SPATA17: variants seen among roughly 807,000 people sequenced by gnomAD.
SPATA17 encodes spermatogenesis associated 17.
In SPATA17, 53 loss-of-function variants were observed where a neutral mutation model predicts 62.2. The observed-to-expected ratio is 0.85, with a 90% CI of 0.68 to 1.07. The LOEUF (loss-of-function observed/expected upper bound fraction) is 1.07. Ranked by LOEUF, SPATA17 falls within the 50% of genes least tolerant of loss-of-function variation. SPATA17 has a pLI of 0.00. For synonymous variants in SPATA17, 146 were observed against 146.8 expected, an observed-to-expected ratio of 0.99 and a Z score of 0.04; for missense variants, 466 against 425.5, an observed-to-expected ratio of 1.10 and a Z score of -0.84.
At chr1:217,632,647 T>C (rs1487060315) in intron 1 of SPATA17, among the ~76,000 whole-genome samples, 2 of 152,204 alleles carry the variant, frequency 1.3e-5, no homozygotes, top group Non-Finnish European at 2.9e-5. Context: ...TGCTCACCAT[T>C]ATTTTTGTCT....
intron 5 of SPATA17, among the ~76,000 whole-genome samples, chr1:217,712,047 T>G (rs1671878953): frequency 6.6e-6 from 1 of 152,088 alleles, no homozygotes; most frequent in African/African-American, 2.4e-5. Flanking sequence ...TTTTTATAAT[T>G]TCTCAGAATT....
At chr1:217,669,188 T>C (rs1670779812) in intron 4 of SPATA17, 105 bp downstream of exon 4, 1 of 940,782 alleles carries the variant, frequency 1.1e-6, no homozygotes, top group South Asian at 1.5e-5. Flanking sequence ...ATTGATATGC[T>C]AATGGTAAAG....
intron 5 of SPATA17, among the ~76,000 whole-genome samples, chr1:217,737,044 A>C (rs967599254): frequency 2.0e-5 from 3 of 152,290 alleles, no homozygotes; most frequent in African/African-American, 7.2e-5. Flanking sequence ...AAAAAGTCCT[A>C]TTGATAGCTA....
At chr1:217,772,080 C>T (rs1295785454) in intron 6 of SPATA17, among the ~76,000 whole-genome samples, 1 of 152,028 alleles carries the variant, frequency 6.6e-6, no homozygotes, top group African/African-American at 2.4e-5. Context: ...GATTTAGTTA[C>T]ACTTTATGTC....
intron 5 of SPATA17, among the ~76,000 whole-genome samples, chr1:217,708,612 T>G (rs527984248): frequency 6.6e-6 from 1 of 152,186 alleles, no homozygotes; most frequent in South Asian, 2.1e-4. Context: ...ATTGCCGAAT[T>G]TGATCAGATG....
chr1:217,669,559 A>G (rs1369365518), intron 4 of SPATA17, among the ~76,000 whole-genome samples: 1 of 152,210 alleles, frequency 6.6e-6, no homozygotes, highest in East Asian at 1.9e-4. Flanking sequence ...TCCTAATAGA[A>G]AACTGAATTT....
chr1:217,674,134 T>G (rs993292362), intron 4 of SPATA17, among the ~76,000 whole-genome samples: 1 of 152,122 alleles, frequency 6.6e-6, no homozygotes, highest in African/African-American at 2.4e-5. Context: ...TGAAACTTAT[T>G]CCCTGAGAAT....
intron 6 of SPATA17, among the ~76,000 whole-genome samples, chr1:217,767,466 T>C (rs74144415): frequency 0.019 from 2,821 of 152,190 alleles, 82 homozygotes; most frequent in African/African-American, 0.065. Flanking sequence ...TGTCCCTTTC[T>C]CTCACTCTTC....
chr1:217,643,022 T>A (rs953778416), intron 1 of SPATA17, among the ~76,000 whole-genome samples: 1 of 152,158 alleles, frequency 6.6e-6, no homozygotes, highest in African/African-American at 2.4e-5. Flanking sequence ...GACCTCTCAG[T>A]GGAAAGAACA....
At chr1:217,704,098 A>G (rs906531861) in intron 5 of SPATA17, among the ~76,000 whole-genome samples, 1 of 151,634 alleles carries the variant, frequency 6.6e-6, no homozygotes, top group Admixed American at 6.6e-5. Context: ...TTCAGGGTAC[A>G]TGTGCACCTT....
At chr1:217,825,558 G>A (rs77045399) in intron 9 of SPATA17, among the ~76,000 whole-genome samples, 17,438 of 151,552 alleles carry the variant, frequency 0.12, 1,101 homozygotes, top group Non-Finnish European at 0.14. Flanking sequence ...GATAAATCAC[G>A]CTAATATGAA....
intron 5 of SPATA17, among the ~76,000 whole-genome samples, chr1:217,701,319 A>G (rs530007216): frequency 2.0e-3 from 304 of 150,376 alleles, no homozygotes; most frequent in Admixed American, 3.6e-3. Context: ...GTGTGTGTGT[A>G]TATATATGTG....
At chr1:217,712,960 G>T (rs1671913425) in intron 5 of SPATA17, among the ~76,000 whole-genome samples, 1 of 152,140 alleles carries the variant, frequency 6.6e-6, no homozygotes, top group Non-Finnish European at 1.5e-5. Context: ...AGCTAGACTT[G>T]CAGGGCAATG....
At chr1:217,740,364 A>T (rs1171639934) in intron 5 of SPATA17, among the ~76,000 whole-genome samples, 2 of 152,210 alleles carry the variant, frequency 1.3e-5, no homozygotes, top group East Asian at 3.9e-4. Context: ...TCATAATATC[A>T]ATAGTAAAGA....
chr1:217,660,056 C>T (rs1381604971), intron 3 of SPATA17, among the ~76,000 whole-genome samples: 1 of 152,080 alleles, frequency 6.6e-6, no homozygotes, highest in Non-Finnish European at 1.5e-5. Flanking sequence ...TTGCCATTGC[C>T]CAAATATGCA....
chr1:217,807,799 T>G (rs1674474435), intron 9 of SPATA17, among the ~76,000 whole-genome samples: 2 of 152,316 alleles, frequency 1.3e-5, no homozygotes, highest in African/African-American at 2.4e-5. Context: ...AAAACATGTC[T>G]TAGACTATAA....
intron 1 of SPATA17, among the ~76,000 whole-genome samples, chr1:217,642,331 A>G (rs73107313): frequency 0.051 from 7,815 of 152,242 alleles, 664 homozygotes; most frequent in African/African-American, 0.18. Flanking sequence ...TTAAATAAGT[A>G]TAGACTCATA....
intron 9 of SPATA17, among the ~76,000 whole-genome samples, chr1:217,818,718 C>T (rs537684756): frequency 6.6e-6 from 1 of 151,628 alleles, no homozygotes; most frequent in South Asian, 2.1e-4. Context: ...TTAAAGCTTT[C>T]CTGTATTTCT....
chr1:217,821,352 G>T lies in SPATA17; in HGVS notation c.1005+19502G>T, dbSNP rs1357040269. On this transcript the variant is annotated intron_variant, in intron 9 of 10. Coordinates refer to ENST00000366933, the MANE Select transcript of SPATA17 (RefSeq NM_138796.4). ...GAAGTGGGATGAGCCTGTAAAGGAG[G>T]CAGGTAAATGTGAGGAAGGCTAAGA... Among the ~76,000 whole-genome samples the T allele has an allele frequency of 1.3e-5, 2 of 152,196 alleles. 1 individual carries two copies. Among genetic ancestry groups the T allele is most frequent in the South Asian group, 4.1e-4 (2 of 4,826 alleles).
Sources: allele counts gnomAD v4.1 joint callset (sites outside exome capture counted in the v4.1 genomes callset), GRCh38; gene constraint gnomAD v4.1.1; transcripts MANE v1.5; gene names NCBI Gene and HGNC (gene_info 2026-07-23, HGNC 2026-07-21).